The following MGAT4C variants were observed in gnomAD, a reference collection of about 807,000 sequenced individuals.
The protein encoded by MGAT4C is alpha-1,3-mannosyl-glycoprotein 4-beta-N-acetylglucosaminyltransferase C.
MGAT4C carries 19 observed loss-of-function variants against 40.1 expected under a neutral mutation model. That is an observed-to-expected ratio of 0.47 (90% CI 0.33 to 0.70). MGAT4C has a LOEUF of 0.70. Among genes scored for constraint, MGAT4C ranks in the 30% least tolerant of loss-of-function variants. The probability of loss-of-function intolerance (pLI) is 0.02; values close to 1 mark genes in which losing one functional copy is unlikely to be tolerated. For synonymous variants in MGAT4C, 181 were observed against 187.1 expected, an observed-to-expected ratio of 0.97 and a Z score of 0.27; for missense variants, 491 against 563.2, an observed-to-expected ratio of 0.87 and a Z score of 1.30.
intron 1 of MGAT4C, among the ~76,000 whole-genome samples, chr12:86,814,711 A>C (rs1466116014): frequency 6.6e-6 from 1 of 151,996 alleles, no homozygotes; most frequent in Non-Finnish European, 1.5e-5. Context: ...GAAGTGATTA[A>C]GTAATGAGGA....
chr12:86,834,545 A>G (rs1952998119), intron 1 of MGAT4C, among the ~76,000 whole-genome samples: 1 of 151,534 alleles, frequency 6.6e-6, no homozygotes, highest in Admixed American at 6.6e-5. Flanking sequence ...ATTTTGTGAC[A>G]TTTTGTCATT....
intron 1 of MGAT4C, among the ~76,000 whole-genome samples, chr12:86,831,757 G>T (rs1341581055): frequency 6.6e-6 from 1 of 151,730 alleles, no homozygotes; most frequent in Non-Finnish European, 1.5e-5. Context: ...TAACAATGTT[G>T]TATTAAGGTT....
chr12:86,816,987 T>G lies in MGAT4C; in HGVS notation c.-262+21679A>C, dbSNP rs1952618995. Among the ~76,000 whole-genome samples, 2 of 151,318 alleles carry G rather than the reference T, an allele frequency of 1.3e-5. 1 individual carries two copies. Among genetic ancestry groups the G allele is most frequent in the South Asian group, 4.1e-4 (2 of 4,826 alleles). ...ATATATTGCTTTCATTTTTGGTTTC[T>G]TGATTTTTCTTTTACATTCTTATTC... On this transcript the variant is annotated intron_variant, in intron 1 of 7. Transcript: ENST00000548651.
At chr12:86,356,319 T>G (rs1955309224) in intron 3 of MGAT4C, among the ~76,000 whole-genome samples, 1 of 152,178 alleles carries the variant, frequency 6.6e-6, no homozygotes, top group Admixed American at 6.5e-5. Context: ...TATCAATAAT[T>G]ACATTAAATG....
chr12:86,055,794 T>C (rs79245741), intron 1 of MGAT4C, among the ~76,000 whole-genome samples: 3,660 of 152,154 alleles, frequency 0.024, 153 homozygotes, highest in African/African-American at 0.083. Flanking sequence ...AATAGTATCT[T>C]GTTTTCATTT....
chr12:86,727,064 A>G (rs1950833592), intron 2 of MGAT4C: 1 of 152,150 alleles, frequency 6.6e-6, no homozygotes. Context: ...ATTCTCATCT[A>G]TGTTGAACCC....
chr12:86,571,629 G>A (rs1381407879), intron 2 of MGAT4C, among the ~76,000 whole-genome samples: 3 of 152,002 alleles, frequency 2.0e-5, no homozygotes, highest in Admixed American at 6.6e-5. Flanking sequence ...GTGTGTGCAC[G>A]TGCATATGTG....
At chr12:86,673,282 A>T (rs1964307572) in intron 2 of MGAT4C, among the ~76,000 whole-genome samples, 1 of 152,214 alleles carries the variant, frequency 6.6e-6, no homozygotes, top group African/African-American at 2.4e-5. Context: ...GAGATATTCC[A>T]TAGGGTAACT....
chr12:86,709,422 C>T (rs893137137), intron 2 of MGAT4C, among the ~76,000 whole-genome samples: 1 of 152,022 alleles, frequency 6.6e-6, no homozygotes, highest in Non-Finnish European at 1.5e-5. Flanking sequence ...GTATTTCTAG[C>T]ATTTATGTAA....
At chr12:86,372,028 T>C (rs2136212241) in intron 3 of MGAT4C, among the ~76,000 whole-genome samples, 1 of 151,914 alleles carries the variant, frequency 6.6e-6, no homozygotes, top group Admixed American at 6.6e-5. Flanking sequence ...ATAAGATGAA[T>C]TTTAGAAAAT....
At chr12:86,044,071 C>T (rs1892151807) in intron 2 of MGAT4C, among the ~76,000 whole-genome samples, 1 of 152,128 alleles carries the variant, frequency 6.6e-6, no homozygotes, top group Non-Finnish European at 1.5e-5. Flanking sequence ...CTTTGTTGCC[C>T]TTAAGGGTTT....
chr12:86,331,056 G>A (rs970310629), intron 4 of MGAT4C, among the ~76,000 whole-genome samples: 7 of 152,140 alleles, frequency 4.6e-5, no homozygotes, highest in Non-Finnish European at 8.8e-5. Context: ...AAAAGGCAGA[G>A]TGAGAGGCCA....
intron 2 of MGAT4C, among the ~76,000 whole-genome samples, chr12:86,438,029 GA>G (rs1957166743): frequency 6.6e-6 from 1 of 151,874 alleles, no homozygotes; most frequent in Non-Finnish European, 1.5e-5. Flanking sequence ...TCAAATGGTA[GA>G]AATGATTAAC....
At chr12:86,684,571 G>A (rs937398074) in intron 2 of MGAT4C, among the ~76,000 whole-genome samples, 1 of 152,116 alleles carries the variant, frequency 6.6e-6, no homozygotes, top group African/African-American at 2.4e-5. Context: ...TATGTCAAAT[G>A]GTATTTCTGG....
intron 1 of MGAT4C, among the ~76,000 whole-genome samples, chr12:86,233,333 C>T (rs1357668666): frequency 6.6e-6 from 1 of 152,104 alleles, no homozygotes; most frequent in South Asian, 2.1e-4. Context: ...AGCCAAGGGG[C>T]CAGTACTTAA....
chr12:86,782,753 GAA>G (rs1370598525), intron 1 of MGAT4C, among the ~76,000 whole-genome samples: 1 of 151,932 alleles, frequency 6.6e-6, no homozygotes, highest in Non-Finnish European at 1.5e-5. Flanking sequence ...TTTAAAAAAA[GAA>G]AGAGATACCA....
At chr12:86,166,332 A>T (rs1033127657) in intron 1 of MGAT4C, among the ~76,000 whole-genome samples, 3 of 152,326 alleles carry the variant, frequency 2.0e-5, no homozygotes, top group Admixed American at 2.0e-4. Flanking sequence ...AAAGGGAAAA[A>T]CAAACAAACA....
At chr12:86,164,759 C>A (rs929991885) in intron 1 of MGAT4C, among the ~76,000 whole-genome samples, 1 of 152,012 alleles carries the variant, frequency 6.6e-6, no homozygotes, top group Non-Finnish European at 1.5e-5. Context: ...GCTACTGTTG[C>A]AGAGTGTGAG....
chr12:85,990,785 T>C (rs1315910267), intron 2 of MGAT4C, among the ~76,000 whole-genome samples: 1 of 152,196 alleles, frequency 6.6e-6, no homozygotes, highest in Admixed American at 6.5e-5. Flanking sequence ...TTAAGGGTTA[T>C]TTTTCTTATA....
Sources: allele counts gnomAD v4.1 joint callset (sites outside exome capture counted in the v4.1 genomes callset), GRCh38; gene constraint gnomAD v4.1.1; transcripts MANE v1.5; gene names NCBI Gene and HGNC (gene_info 2026-07-23, HGNC 2026-07-21).